The following KLHL32 variants were observed in gnomAD, a reference collection of about 807,000 sequenced individuals.
KLHL32 encodes the protein kelch-like protein 32.
In KLHL32, 35 loss-of-function variants were observed where a neutral mutation model predicts 64.8. The observed-to-expected ratio is 0.54, with a 90% CI of 0.41 to 0.72. KLHL32 has a LOEUF of 0.72. Ranked by LOEUF, KLHL32 falls within the 30% of genes least tolerant of loss-of-function variation. The pLI is 0.00. For missense variants in KLHL32, 589 were observed against 768.5 expected (o/e 0.77, Z 2.76); for synonymous variants, 259 against 281.0 (o/e 0.92, Z 0.78).
intron 3 of KLHL32, among the ~76,000 whole-genome samples, chr6:97,035,271 G>GT (rs1784121721): frequency 6.6e-6 from 1 of 152,044 alleles, no homozygotes; most frequent in Non-Finnish European, 1.5e-5. Flanking sequence ...CAAACTTTGT[G>GT]TTTTTGTAGT....
At chr6:97,105,514 C>G in intron 6 of KLHL32, 1 of 471,096 alleles carries the variant, frequency 2.1e-6, no homozygotes, top group East Asian at 7.0e-5. Flanking sequence ...AATGGGATGA[C>G]AAGACTGGTA....
chr6:97,111,416 G>A (rs111273844), intron 6 of KLHL32, among the ~76,000 whole-genome samples: 2,720 of 152,298 alleles, frequency 0.018, 66 homozygotes, highest in African/African-American at 0.062. Context: ...CGGGTGCTGG[G>A]GCTAGCCAGC....
intron 2 of KLHL32, among the ~76,000 whole-genome samples, chr6:96,967,663 G>T (rs141653582): frequency 1.5e-3 from 233 of 152,248 alleles, no homozygotes; most frequent in African/African-American, 5.4e-3. Context: ...ACCCAGCTAT[G>T]AATAAAACAG....
intron 3 of KLHL32, among the ~76,000 whole-genome samples, chr6:97,032,092 T>G (rs1046262253): frequency 2.0e-5 from 3 of 152,308 alleles, no homozygotes; most frequent in Admixed American, 6.5e-5. Context: ...TAGCCAAAGT[T>G]TCAAGATAAA....
upstream of KLHL32, among the ~76,000 whole-genome samples, chr6:96,923,763 C>A (rs1289872983): frequency 5.3e-5 from 8 of 152,202 alleles, no homozygotes; most frequent in Non-Finnish European, 1.0e-4. Flanking sequence ...TGAACTTCTA[C>A]AAAATACAGT....
At chr6:96,955,228 A>G (rs866106668) in intron 1 of KLHL32, among the ~76,000 whole-genome samples, 2 of 152,124 alleles carry the variant, frequency 1.3e-5, no homozygotes, top group Non-Finnish European at 2.9e-5. Context: ...CACAGCATGA[A>G]CCTCATACTC....
chr6:97,043,339 T>C (rs1174449148), intron 4 of KLHL32, among the ~76,000 whole-genome samples: 2 of 152,220 alleles, frequency 1.3e-5, no homozygotes, highest in African/African-American at 4.8e-5. Context: ...TGTGCCTTGC[T>C]TATTTCACTT....
chr6:97,096,877 G>A (rs537149765), intron 6 of KLHL32, among the ~76,000 whole-genome samples: 1 of 152,322 alleles, frequency 6.6e-6, no homozygotes, highest in South Asian at 2.1e-4. Context: ...CCTGCCCTTG[G>A]TTTTATCTTC....
Position 96,967,396 on chromosome 6 carries a change from C to A in KLHL32, c.23+313C>A, listed in dbSNP as rs972168127. ...AAGGTATATCACATAAAAAAGGAAT[C>A]AAAAAACTATACATATATATGTGTG... On this transcript the variant is annotated intron_variant, in intron 2 of 10. Transcript: ENST00000369261. Among the ~76,000 whole-genome samples the A allele has an allele frequency of 1.2e-4, 18 of 149,540 alleles. No homozygotes were observed. The East Asian group carries it at 2.4e-3, about 20-fold the overall frequency.
chr6:96,945,437 G>C (rs1350143949), intron 1 of KLHL32, among the ~76,000 whole-genome samples: 1 of 152,204 alleles, frequency 6.6e-6, no homozygotes, highest in Non-Finnish European at 1.5e-5. Context: ...GAGAATAAAG[G>C]TGCACACACT....
chr6:96,971,488 G>T (rs1224228389), intron 2 of KLHL32, among the ~76,000 whole-genome samples: 2 of 152,102 alleles, frequency 1.3e-5, no homozygotes, highest in African/African-American at 2.4e-5. Flanking sequence ...AAAGTTAAAG[G>T]CTTAAAGTTA....
At position 97,059,043 on chromosome 6, in the gene KLHL32, G is replaced by C. The variant is rs77501070; in HGVS notation, c.313-5585G>C. ...TGAGCTGTTCTCCCAAGTTGATTCTGTCAGCAAGTGTAGGAGCCAGGATTT... is the reference window on the plus strand; with the variant it reads ...TGAGCTGTTCTCCCAAGTTGATTCTCTCAGCAAGTGTAGGAGCCAGGATTT... On this transcript the variant is annotated intron_variant, in intron 4 of 10. Transcript: ENST00000369261. Among the ~76,000 whole-genome samples, 1,124 of 152,268 alleles carry C rather than the reference G, an allele frequency of 7.4e-3. 13 individuals are homozygous for C. Among genetic ancestry groups the C allele is most frequent in the African/African-American group, 0.024 (1,010 of 41,540 alleles).
At chr6:96,923,270 G>C (rs1768816154), upstream of KLHL32, among the ~76,000 whole-genome samples, 1 of 152,142 alleles carries the variant, frequency 6.6e-6, no homozygotes, top group Non-Finnish European at 1.5e-5. Context: ...GGATCTTAAA[G>C]GACTGTTTTA....
At chr6:97,124,779 C>T (rs1798711058) in intron 7 of KLHL32, among the ~76,000 whole-genome samples, 1 of 152,098 alleles carries the variant, frequency 6.6e-6, no homozygotes. Flanking sequence ...ATCAAAAGCA[C>T]TAGCAATTAT....
At chr6:96,943,036 TACAC>T (rs113696398) in intron 1 of KLHL32, among the ~76,000 whole-genome samples, 15,821 of 146,296 alleles carry the variant, frequency 0.11, 999 homozygotes, top group Middle Eastern at 0.19. Flanking sequence ...ATGCTCCCTC[TACAC>T]ACACACACAC....
chr6:96,931,440 T>C (rs770984172), intron 1 of KLHL32, among the ~76,000 whole-genome samples: 5 of 152,314 alleles, frequency 3.3e-5, no homozygotes, highest in Non-Finnish European at 5.9e-5. Context: ...AGCAGTATAT[T>C]GTAGGATCCC....
chr6:96,920,071 A>C (rs551247215), upstream of KLHL32, among the ~76,000 whole-genome samples: 1 of 152,306 alleles, frequency 6.6e-6, no homozygotes, highest in African/African-American at 2.4e-5. Flanking sequence ...AGGGAAAAAA[A>C]CCCGATGAGG....
intron 3 of KLHL32, among the ~76,000 whole-genome samples, chr6:96,981,221 C>A (rs1562211636): frequency 6.6e-6 from 1 of 152,136 alleles, no homozygotes; most frequent in Non-Finnish European, 1.5e-5. Context: ...CTTCTTCTTA[C>A]TGATTCAATT....
In KLHL32 at chr6:97,105,493, TGGCTTACCTCAA is replaced by T. The variant is rs771107752; in HGVS notation, c.628-8289_628-8278del. The T allele has an allele frequency of 3.2e-5, 15 of 471,134 alleles. No individual in the cohort carries two copies. The East Asian group carries it at 1.0e-3, about 33-fold the overall frequency. 29.2% of individuals were successfully genotyped at this position (471,134 alleles called of 1,614,324 possible). A position where few individuals can be genotyped will look rare whatever the true frequency, so the allele number is the denominator to read the frequency against. ...GTGCACTGAGGGGAGACTGGTGCCC[TGGCTTACCTCAA>T]TGGGATGACAAGACTGGTAAGGATA... On this transcript the variant is annotated intron_variant, in intron 6 of 10. Coordinates refer to ENST00000369261, the MANE Select transcript of KLHL32 (RefSeq NM_052904.4).
Sources: allele counts gnomAD v4.1 joint callset (sites outside exome capture counted in the v4.1 genomes callset), GRCh38; gene constraint gnomAD v4.1.1; transcripts MANE v1.5; gene names NCBI Gene and HGNC (gene_info 2026-07-23, HGNC 2026-07-21).